SH3GLB1: variants seen among roughly 807,000 people sequenced by gnomAD.
The protein encoded by SH3GLB1 is endophilin-B1.
A neutral mutation model predicts 42.0 loss-of-function variants in SH3GLB1; 17 were observed. The observed-to-expected ratio is 0.40, with a 90% CI of 0.28 to 0.61. SH3GLB1 has a LOEUF of 0.61. Ranked by LOEUF, SH3GLB1 falls within the 20% of genes least tolerant of loss-of-function variation. The pLI, the probability that SH3GLB1 is intolerant of heterozygous loss-of-function variation, is 0.36. For missense variants in SH3GLB1, 355 were observed against 426.3 expected (o/e 0.83, Z 1.47); for synonymous variants, 132 against 146.6 (o/e 0.90, Z 0.72).
chr1:86,730,202 A>G, intron 5 of SH3GLB1: 1 of 1,518,100 alleles, frequency 6.6e-7, no homozygotes, highest in South Asian at 1.2e-5. Context: ...CCATGGGTCC[A>G]GTCACAGTCT....
At chr1:86,726,114 C>G (rs1235891045) in intron 5 of SH3GLB1, among the ~76,000 whole-genome samples, 1 of 151,924 alleles carries the variant, frequency 6.6e-6, no homozygotes, top group Non-Finnish European at 1.5e-5. Context: ...AAATTTCATA[C>G]TCAGGAAAAA....
At chr1:86,719,059 A>G (rs1654715096) in intron 2 of SH3GLB1, among the ~76,000 whole-genome samples, 2 of 152,240 alleles carry the variant, frequency 1.3e-5, no homozygotes, top group Admixed American at 1.3e-4. Context: ...TGCTCATGCT[A>G]AAGCTGTCAG....
chr1:86,735,599 G>T (rs1187477980), intron 7 of SH3GLB1, among the ~76,000 whole-genome samples: 1 of 152,072 alleles, frequency 6.6e-6, no homozygotes, highest in Non-Finnish European at 1.5e-5. Context: ...CATATCTACC[G>T]ATGTGATTAT....
rs779782560 is a variant in SH3GLB1 at position 86,704,898 on chromosome 1, G to A, written c.-2G>A. The A allele has an allele frequency of 4.6e-4, 721 of 1,576,538 alleles. 1 individual carries two copies. The highest frequency in any genetic ancestry group is 5.0e-4 in the Non-Finnish European group (579 of 1,164,164). On this transcript the variant is annotated 5_prime_UTR_variant, in exon 1 of 9. Coordinates refer to ENST00000370558, the MANE Select transcript of SH3GLB1 (RefSeq NM_016009.5). ...GCCGGCTCCGCCCGGCTGCCGCCTA[G>A]GATGAATATCATGGACTTCAACGTG...
At chr1:86,734,313 T>C in intron 5 of SH3GLB1, 1 of 210,618 alleles carries the variant, frequency 4.7e-6, no homozygotes, top group African/African-American at 2.3e-5. Flanking sequence ...TATGAAAATA[T>C]CTTGGCTTTC....
rs1445017750 is a variant in SH3GLB1 at position 86,716,401 on chromosome 1, A to C, written c.214+536A>C. On this transcript the variant is annotated intron_variant, in intron 2 of 8. Coordinates refer to ENST00000370558, the MANE Select transcript of SH3GLB1 (RefSeq NM_016009.5). Reference sequence around the variant, plus strand: ...GCAATTCTTCTGCCTCAGCCTCCCAAGTAGCTGGGATTACAGGCATGTGCC... The same window carrying C: ...GCAATTCTTCTGCCTCAGCCTCCCACGTAGCTGGGATTACAGGCATGTGCC... Among the ~76,000 whole-genome samples the C allele has an allele frequency of 2.0e-5, 3 of 151,976 alleles. No individual in the cohort carries two copies. In the East Asian group the frequency reaches 5.8e-4, roughly 29 times the overall value.
intron 1 of SH3GLB1, among the ~76,000 whole-genome samples, chr1:86,706,975 A>G (rs1386205952): frequency 6.6e-6 from 1 of 152,222 alleles, no homozygotes. Context: ...TCAGTTTTAA[A>G]TATTTAAGTG....
chr1:86,716,915 C>T (rs1654569201), intron 2 of SH3GLB1, among the ~76,000 whole-genome samples: 1 of 152,190 alleles, frequency 6.6e-6, no homozygotes, highest in Admixed American at 6.5e-5. Flanking sequence ...TAGATACTAA[C>T]TTAAACTTCA....
In SH3GLB1 at chr1:86,721,216, T is replaced by A. The variant is rs263464; in HGVS notation, c.344-1324T>A. Among the ~76,000 whole-genome samples, 742 of 152,336 alleles carry A rather than the reference T, an allele frequency of 4.9e-3. 5 individuals are homozygous for A. Among genetic ancestry groups the A allele is most frequent in the African/African-American group, 0.017 (716 of 41,576 alleles). ...TGTGAACCTATTACCTTATTAGTAA[T>A]TAATACTAAAAATTGAGTATCACAG... On this transcript the variant is annotated intron_variant, in intron 3 of 8. Coordinates refer to ENST00000370558, the MANE Select transcript of SH3GLB1 (RefSeq NM_016009.5).
chr1:86,731,527 G>A (rs1655508712), intron 5 of SH3GLB1, among the ~76,000 whole-genome samples: 1 of 152,038 alleles, frequency 6.6e-6, no homozygotes, highest in South Asian at 2.1e-4. Context: ...GCATGAAAAG[G>A]GGCAGAGCAA....
intron 1 of SH3GLB1, among the ~76,000 whole-genome samples, chr1:86,707,202 A>T (rs946433024): frequency 1.3e-5 from 2 of 152,236 alleles, no homozygotes; most frequent in Admixed American, 6.5e-5. Context: ...TAACATTAGT[A>T]TCGTGTATAG....
At chr1:86,736,065 A>G (rs1373364350) in intron 7 of SH3GLB1, among the ~76,000 whole-genome samples, 2 of 152,348 alleles carry the variant, frequency 1.3e-5, no homozygotes, top group East Asian at 3.9e-4. Context: ...TAAAAAAGCC[A>G]GAAGAAAGAG....
At chr1:86,710,386 C>G (rs368312771) in intron 1 of SH3GLB1, among the ~76,000 whole-genome samples, 1 of 152,020 alleles carries the variant, frequency 6.6e-6, no homozygotes, top group East Asian at 1.9e-4. Flanking sequence ...TTCCTCAGCC[C>G]CTCTAGTAGC....
chr1:86,712,446 C>T (rs1010997933), intron 1 of SH3GLB1, among the ~76,000 whole-genome samples: 1 of 152,136 alleles, frequency 6.6e-6, no homozygotes, highest in Non-Finnish European at 1.5e-5. Flanking sequence ...GAGATTGAAT[C>T]CCAACAATGA....
chr1:86,735,174 G>A lies in SH3GLB1; in HGVS notation c.756G>A (p.Leu252=). The A allele has an allele frequency of 6.2e-7, 1 of 1,604,906 alleles. No homozygotes were observed. The highest frequency in any genetic ancestry group is 8.5e-7 in the Non-Finnish European group (1 of 1,172,122). The part of the protein sequence containing the change: ...YQYMLDLQKQ[L]GSFPSNYLSN... ...ATATGTTGGACCTCCAGAAACAACTGGGAAGGTGATAATTTACTTTTCACA... is the reference window on the plus strand; with the variant it reads ...ATATGTTGGACCTCCAGAAACAACTAGGAAGGTGATAATTTACTTTTCACA... The change falls in exon 7 of 9, where the codon CTG becomes CTA. Residue 252 remains leucine (L), a synonymous_variant. Transcript: ENST00000370558.
At chr1:86,707,668 G>C (rs1044452166) in intron 1 of SH3GLB1, among the ~76,000 whole-genome samples, 1 of 114,414 alleles carries the variant, frequency 8.7e-6, no homozygotes, top group Non-Finnish European at 1.8e-5. Context: ...TTTTTTTTGA[G>C]ATGGAGTTTG....
chr1:86,739,574 G>A (rs766018770), intron 7 of SH3GLB1, among the ~76,000 whole-genome samples: 7 of 152,162 alleles, frequency 4.6e-5, no homozygotes, highest in African/African-American at 7.2e-5. Context: ...GTAAGAATAC[G>A]TAAATCTTTC....
At chr1:86,712,296 T>C (rs1029267153) in intron 1 of SH3GLB1, among the ~76,000 whole-genome samples, 4 of 152,126 alleles carry the variant, frequency 2.6e-5, no homozygotes, top group African/African-American at 9.7e-5. Flanking sequence ...TCCAGAGTGC[T>C]GCGAACAGAC....
intron 3 of SH3GLB1, among the ~76,000 whole-genome samples, chr1:86,721,180 G>T (rs551017052): frequency 1.3e-5 from 2 of 152,246 alleles, no homozygotes; most frequent in South Asian, 4.1e-4. Context: ...CTGGTTATTA[G>T]AATTGGGCTT....
Sources: gnomAD v4.1 joint callset for allele counts (sites outside exome capture counted in the v4.1 genomes callset) on GRCh38, gnomAD v4.1.1 for gene constraint, MANE v1.5 for transcripts, NCBI Gene and HGNC (gene_info 2026-07-23, HGNC 2026-07-21) for gene names.